Variants in HOOK1 observed in about 807,000 individuals in gnomAD.
The protein encoded by HOOK1 is protein Hook homolog 1.
Under a neutral mutation model 112.8 loss-of-function variants are expected in HOOK1, and 60 were observed. The observed-to-expected ratio is 0.53, with a 90% CI of 0.43 to 0.66. HOOK1 has a LOEUF of 0.66. Among genes scored for constraint, HOOK1 ranks in the 30% least tolerant of loss-of-function variants. The pLI is 0.00. For missense variants in HOOK1, 770 were observed against 856.0 expected, an observed-to-expected ratio of 0.90 and a Z score of 1.25; for synonymous variants, 294 against 283.8, an observed-to-expected ratio of 1.04 and a Z score of -0.36.
At chr1:59,823,294 T>C (rs2098387205) in intron 2 of HOOK1, among the ~76,000 whole-genome samples, 1 of 152,264 alleles carries the variant, frequency 6.6e-6, no homozygotes, top group Admixed American at 6.5e-5. Context: ...CACTCCAGCC[T>C]GGGTGACAGA....
chr1:59,854,122 G>T (rs529363967), intron 12 of HOOK1, among the ~76,000 whole-genome samples: 2 of 124,710 alleles, frequency 1.6e-5, no homozygotes, highest in African/African-American at 6.2e-5. Context: ...CACGATTTTG[G>T]CTTACTACAA....
At position 59,872,951 on chromosome 1, in the gene HOOK1, A is replaced by G. The variant is rs747030936; in HGVS notation, c.2173A>G (p.Thr725Ala). ...AAATCTCTCTGTTAAAGTCCCTGCT[A>G]CAACATCTGATTAAACTGCAAAAAA... is the stretch of plus-strand genomic sequence containing the variant. ...RRNLSVKVPA[T>A]TSD Residue 725 changes from threonine (T) to alanine (A), a missense_variant, in exon 22 of 22, where the codon ACA becomes GCA. Thr to Ala is a moderately conservative substitution (Grantham distance 58). Around this residue, in one of 3 missense-constraint regions of HOOK1, gnomAD observed 111 missense variants for 111.8 expected, o/e 0.99. Transcript: ENST00000371208. The G allele has an allele frequency of 2.3e-4, 345 of 1,492,098 alleles. 7 individuals are homozygous for G. In the South Asian group the frequency reaches 4.3e-3, roughly 19 times the overall value. 92.4% of individuals were successfully genotyped at this position (1,492,098 alleles called of 1,614,324 possible).
At chr1:59,835,678 A>C (rs7553282) in intron 6 of HOOK1, among the ~76,000 whole-genome samples, 6,516 of 152,208 alleles carry the variant, frequency 0.043, 154 homozygotes, top group African/African-American at 0.069. Flanking sequence ...TTTTGGCACC[A>C]GGGACCAGTT....
At chr1:59,872,404 C>T (rs912669725) in intron 21 of HOOK1, among the ~76,000 whole-genome samples, 3 of 152,022 alleles carry the variant, frequency 2.0e-5, no homozygotes, top group African/African-American at 7.3e-5. Flanking sequence ...TAACAAATTC[C>T]CAGGGATGCT....
intron 1 of HOOK1, 102 bp from the exon 2 acceptor site, chr1:59,821,756 T>G: frequency 1.3e-6 from 1 of 794,424 alleles, no homozygotes; most frequent in Non-Finnish European, 1.9e-6. Flanking sequence ...CATGTTTTTT[T>G]TTTTTGTTTT....
chr1:59,823,256 C>G (rs544368667), intron 2 of HOOK1, among the ~76,000 whole-genome samples: 1 of 152,256 alleles, frequency 6.6e-6, no homozygotes, highest in South Asian at 2.1e-4. Context: ...GGAGGCGGAG[C>G]TCACAGTGAG....
intron 2 of HOOK1, among the ~76,000 whole-genome samples, chr1:59,822,340 T>G (rs568738634): frequency 6.6e-6 from 1 of 152,224 alleles, no homozygotes; most frequent in Non-Finnish European, 1.5e-5. Flanking sequence ...TAAAAATTAT[T>G]GAAGCATAAA....
At chr1:59,858,244 A>G (rs555365101) in intron 12 of HOOK1, among the ~76,000 whole-genome samples, 184 bp from the exon 13 acceptor site, 7 of 152,332 alleles carry the variant, frequency 4.6e-5, no homozygotes, top group African/African-American at 1.7e-4. Flanking sequence ...TGGGAAAGTC[A>G]AAACCATGTA....
chr1:59,864,407 G>A (rs1390988887), intron 16 of HOOK1, among the ~76,000 whole-genome samples: 9 of 151,500 alleles, frequency 5.9e-5, no homozygotes, highest in Admixed American at 5.9e-4. Context: ...TTCTGTTTTT[G>A]TACCTTTTTA....
intron 12 of HOOK1, 104 bp downstream of exon 12, chr1:59,849,287 C>A: frequency 3.3e-6 from 2 of 598,864 alleles, no homozygotes; most frequent in South Asian, 3.5e-5. Flanking sequence ...TTCTCTCTTC[C>A]TCCAGATTGA....
At chr1:59,868,507 C>T (rs374238545) in intron 20 of HOOK1, among the ~76,000 whole-genome samples, 156 bp downstream of exon 20, 1 of 152,156 alleles carries the variant, frequency 6.6e-6, no homozygotes, top group African/African-American at 2.4e-5. Context: ...TCTCACTGGC[C>T]GCCCAATAGA....
chr1:59,837,743 C>T (rs2098398673), intron 7 of HOOK1, among the ~76,000 whole-genome samples: 1 of 152,036 alleles, frequency 6.6e-6, no homozygotes, highest in Non-Finnish European at 1.5e-5. Context: ...ATGTGCAGAA[C>T]ATGAAGTTTT....
At chr1:59,835,094 G>C (rs766879086) in intron 5 of HOOK1, among the ~76,000 whole-genome samples, 1 of 152,078 alleles carries the variant, frequency 6.6e-6, no homozygotes, top group East Asian at 1.9e-4. Flanking sequence ...GTATTTTGCT[G>C]TATGAATTGA....
intron 8 of HOOK1, among the ~76,000 whole-genome samples, chr1:59,842,841 G>T (rs1218958029): frequency 6.6e-6 from 1 of 151,982 alleles, no homozygotes; most frequent in Non-Finnish European, 1.5e-5. Context: ...ATTGCTCCAG[G>T]TACTGATAAT....
Position 59,873,756 on chromosome 1 carries a change from T to TATATATATATAG in HOOK1, c.*800_*801insTAGATATATATA, listed in dbSNP as rs1644093380. The TATATATATATAG allele has an allele frequency of 6.9e-6, 1 of 144,078 alleles. No individual in the cohort carries two copies. Among genetic ancestry groups the TATATATATATAG allele is most frequent in the African/African-American group, 2.5e-5 (1 of 39,704 alleles). The allele number at this position is 144,078 out of a possible 1,614,324, so 8.9% of individuals were successfully genotyped here. ...ATATATATATATATATATATATATA[T>TATATATATATAG]ATATATATACTTTTTGTGAAATGTC... On this transcript the variant is annotated 3_prime_UTR_variant, in exon 22 of 22. Transcript: ENST00000371208.
Position 59,864,656 on chromosome 1 carries a change from G to A in HOOK1, c.1651G>A (p.Glu551Lys), listed in dbSNP as rs1469168883. 1 of 1,543,858 alleles carries A rather than the reference G, an allele frequency of 6.5e-7. No individual in the cohort carries two copies. The highest frequency in any genetic ancestry group is 8.9e-7 in the Non-Finnish European group (1 of 1,121,848). ...GTCCAGCAAATTAAAGCAGAAGTTG[G>A]AAGCTCATATGTAAGTAAAACTGAT... ...ESSSKLKQKL[E>K]AHMEKLTEVH... Residue 551 changes from glutamate (E) to lysine (K), a missense_variant, in exon 17 of 22, where the codon GAA (glutamate) becomes AAA (lysine). Coordinates refer to ENST00000371208, the MANE Select transcript of HOOK1 (RefSeq NM_015888.6).
intron 2 of HOOK1, among the ~76,000 whole-genome samples, chr1:59,828,303 A>G (rs925446231): frequency 2.0e-5 from 3 of 152,148 alleles, no homozygotes; most frequent in African/African-American, 7.2e-5. Flanking sequence ...GCTTAATTCT[A>G]CTCAGTTGAA....
intron 15 of HOOK1, among the ~76,000 whole-genome samples, chr1:59,862,220 A>AT (rs1324229545): frequency 6.6e-6 from 1 of 152,326 alleles, no homozygotes; most frequent in East Asian, 1.9e-4. Context: ...GTGGATACAC[A>AT]TAGAGGGAGA....
At chr1:59,831,649 C>T (rs181637388) in intron 3 of HOOK1, among the ~76,000 whole-genome samples, 6 of 152,268 alleles carry the variant, frequency 3.9e-5, no homozygotes, top group African/African-American at 1.4e-4. Flanking sequence ...TCTCTTCAAT[C>T]GGTGAGAACA....
Sources: allele counts gnomAD v4.1 joint callset (sites outside exome capture counted in the v4.1 genomes callset), GRCh38; gene constraint gnomAD v4.1.1; regional missense constraint gnomAD v4.1.1; transcripts MANE v1.5; gene names NCBI Gene and HGNC (gene_info 2026-07-23, HGNC 2026-07-21).